The following KCNK10 variants were observed in gnomAD, a reference collection of about 807,000 sequenced individuals.
KCNK10 encodes the protein potassium channel subfamily K member 10.
KCNK10 carries 25 observed loss-of-function variants against 47.7 expected under a neutral mutation model. That is an observed-to-expected ratio of 0.52 (90% CI 0.38 to 0.73). The LOEUF is 0.73. Ranked by LOEUF, KCNK10 falls within the 30% of genes least tolerant of loss-of-function variation. The probability of loss-of-function intolerance (pLI) is 0.00; values close to 1 mark genes in which losing one functional copy is unlikely to be tolerated. For synonymous variants in KCNK10, 303 were observed against 285.6 expected (o/e 1.06, Z -0.61); for missense variants, 563 against 714.5 (o/e 0.79, Z 2.42).
chr14:88,211,401 G>A (rs1328132247), intron 4 of KCNK10, among the ~76,000 whole-genome samples: 1 of 152,204 alleles, frequency 6.6e-6, no homozygotes, highest in East Asian at 1.9e-4. Flanking sequence ...TGTCATTTGG[G>A]AAGATGGAAA....
At chr14:88,305,348 G>C (rs1416288279) in intron 1 of KCNK10, among the ~76,000 whole-genome samples, 1 of 152,188 alleles carries the variant, frequency 6.6e-6, no homozygotes, top group African/African-American at 2.4e-5. Flanking sequence ...TACCATAAAT[G>C]ATGAGAATCA....
Position 88,322,606 on chromosome 14 carries a change from C to G in KCNK10, c.52+141G>C, listed in dbSNP as rs967133227. On this transcript the variant is annotated intron_variant, in intron 1 of 6. Coordinates refer to ENST00000319231, the MANE Select transcript of KCNK10 (RefSeq NM_138317.3). The surrounding 1 kb of genome is among the most constrained non-coding windows in gnomAD (Gnocchi z 4.8). ...AACCCACGCTGCCTCCGCCCTCCTC[C>G]CACCCGCGCTGCAGTTCCCAGGCGC... The G allele has an allele frequency of 8.9e-7, 1 of 1,117,768 alleles. No homozygotes were observed. The highest frequency in any genetic ancestry group is 2.1e-5 in the Admixed American group (1 of 48,074). The allele number at this position is 1,117,768 out of a possible 1,614,324, so 69.2% of individuals were successfully genotyped here.
chr14:88,302,799 G>A (rs1354048156), intron 1 of KCNK10, among the ~76,000 whole-genome samples: 1 of 152,164 alleles, frequency 6.6e-6, no homozygotes, highest in African/African-American at 2.4e-5. Context: ...CAAGAAGGAT[G>A]GGGTGGCTGG....
chr14:88,234,903 A>G, intron 3 of KCNK10: 2 of 308,154 alleles, frequency 6.5e-6, no homozygotes, highest in South Asian at 6.0e-5. Context: ...AACAAAAAAT[A>G]AAAAGAAGAA....
intron 3 of KCNK10, among the ~76,000 whole-genome samples, chr14:88,230,568 T>G (rs1254952489): frequency 9.2e-5 from 14 of 152,204 alleles, no homozygotes. Flanking sequence ...CCTACTTGTT[T>G]AGTTGAGAGT....
intron 1 of KCNK10, among the ~76,000 whole-genome samples, chr14:88,265,910 T>A (rs1887239984): frequency 1.3e-5 from 2 of 152,356 alleles, no homozygotes; most frequent in Admixed American, 6.5e-5. Flanking sequence ...CCTAGCCATA[T>A]GGAACTGTGA....
rs1024291000 is a variant in KCNK10 at position 88,247,373 on chromosome 14, C to A, written c.403-6553G>T. On this transcript the variant is annotated intron_variant, in intron 2 of 6. Coordinates refer to ENST00000319231, the MANE Select transcript of KCNK10 (RefSeq NM_138317.3). ...GGACACACCCCAATCAAGTGGCCTT[C>A]CTAACTGCCACACCACCTCAGAGTC... Among the ~76,000 whole-genome samples, 6 of 152,080 alleles carry A rather than the reference C, an allele frequency of 3.9e-5. 1 individual carries two copies. The highest frequency in any genetic ancestry group is 3.3e-4 in the Admixed American group (5 of 15,280).
chr14:88,204,291 C>T (rs1885194219), intron 4 of KCNK10, among the ~76,000 whole-genome samples: 1 of 152,128 alleles, frequency 6.6e-6, no homozygotes, highest in African/African-American at 2.4e-5. Flanking sequence ...GGTCCTTCTT[C>T]CTTTTGGAAA....
chr14:88,279,364 C>CGTGTGTGTGTGT (rs58319931), intron 1 of KCNK10, among the ~76,000 whole-genome samples: 12 of 137,674 alleles, frequency 8.7e-5, no homozygotes, highest in South Asian at 2.5e-4. Context: ...TTGCCAGATA[C>CGTGTGTGTGTGT]GTGTGTGTGT....
At chr14:88,280,993 G>A (rs1398554608) in intron 1 of KCNK10, among the ~76,000 whole-genome samples, 1 of 150,758 alleles carries the variant, frequency 6.6e-6, no homozygotes, top group Non-Finnish European at 1.5e-5. Context: ...TGGCTTCCAA[G>A]GTGCTCAAAC....
intron 2 of KCNK10, among the ~76,000 whole-genome samples, chr14:88,244,647 A>G (rs953536855): frequency 2.0e-5 from 3 of 152,160 alleles, no homozygotes; most frequent in Non-Finnish European, 4.4e-5. Flanking sequence ...CAGCCTGGGC[A>G]ACAGAGTGAG....
At chr14:88,317,229 A>G (rs1268592613) in intron 1 of KCNK10, among the ~76,000 whole-genome samples, 1 of 152,232 alleles carries the variant, frequency 6.6e-6, no homozygotes, top group Non-Finnish European at 1.5e-5. Context: ...TCAAAAATAG[A>G]TTATTTTCTT....
chr14:88,187,372 A>G (rs1427494226), intron 6 of KCNK10, among the ~76,000 whole-genome samples: 2 of 151,792 alleles, frequency 1.3e-5, no homozygotes, highest in South Asian at 4.2e-4. Context: ...TTTAATCACA[A>G]AATCTATCTT....
At chr14:88,198,691 T>C (rs1885000025) in intron 4 of KCNK10, among the ~76,000 whole-genome samples, 1 of 152,222 alleles carries the variant, frequency 6.6e-6, no homozygotes, top group East Asian at 1.9e-4. Flanking sequence ...GCAATACACA[T>C]GGCCACTCAA....
At chr14:88,214,010 GC>G (rs1393266063) in intron 4 of KCNK10, among the ~76,000 whole-genome samples, 6 of 151,138 alleles carry the variant, frequency 4.0e-5, no homozygotes, top group Non-Finnish European at 7.4e-5. Flanking sequence ...TGTGATCTTG[GC>G]TCACTGCAAC....
At chr14:88,280,790 T>C (rs983216905) in intron 1 of KCNK10, among the ~76,000 whole-genome samples, 1 of 151,976 alleles carries the variant, frequency 6.6e-6, no homozygotes, top group Non-Finnish European at 1.5e-5. Flanking sequence ...TGGCCCTCCA[T>C]CCAGGCTACC....
chr14:88,207,304 C>G (rs573800656), intron 4 of KCNK10, among the ~76,000 whole-genome samples: 2 of 152,014 alleles, frequency 1.3e-5, no homozygotes, highest in Non-Finnish European at 2.9e-5. Flanking sequence ...TCCCGAGCAG[C>G]TGGGACTACA....
intron 3 of KCNK10, chr14:88,235,218 C>T (rs267604077): frequency 2.2e-6 from 1 of 456,692 alleles, no homozygotes. Context: ...ACCCTGCTCT[C>T]CTCTCCCCAA....
chr14:88,301,427 G>A (rs1888095555), intron 1 of KCNK10, among the ~76,000 whole-genome samples: 1 of 151,926 alleles, frequency 6.6e-6, no homozygotes, highest in Non-Finnish European at 1.5e-5. Context: ...TTGAAATTTG[G>A]TTTATAAATT....
Sources: gnomAD v4.1 joint callset for allele counts (sites outside exome capture counted in the v4.1 genomes callset) on GRCh38, gnomAD v4.1.1 for gene constraint, Gnocchi (gnomAD v3.1) non-coding constraint, MANE v1.5 for transcripts, NCBI Gene and HGNC (gene_info 2026-07-23, HGNC 2026-07-21) for gene names.